Variants in SCAPER observed in about 807,000 individuals in gnomAD.
SCAPER encodes S phase cyclin A-associated protein in the endoplasmic reticulum.
A neutral mutation model predicts 182.2 loss-of-function variants in SCAPER; 98 were observed. That is an observed-to-expected ratio of 0.54 (90% CI 0.46 to 0.64). SCAPER has a LOEUF of 0.64. Among genes scored for constraint, SCAPER ranks in the 30% least tolerant of loss-of-function variants. SCAPER has a pLI of 0.00. For missense variants in SCAPER, 1,432 were observed against 1,690.0 expected (o/e 0.85, Z 2.68); for synonymous variants, 605 against 564.6 (o/e 1.07, Z -1.01).
intron 27 of SCAPER, among the ~76,000 whole-genome samples, chr15:76,388,739 T>C (rs983791219): frequency 1.3e-5 from 2 of 152,078 alleles, no homozygotes; most frequent in African/African-American, 2.4e-5. Flanking sequence ...GGTGGGCGGA[T>C]CATGAGGTCA....
chr15:76,881,544 T>C (rs556158054), intron 2 of SCAPER, among the ~76,000 whole-genome samples: 2 of 152,332 alleles, frequency 1.3e-5, no homozygotes, highest in African/African-American at 2.4e-5. Flanking sequence ...AGAATATTAT[T>C]CAGTCTTAAA....
At chr15:76,602,275 ACTT>A (rs1206756586) in intron 22 of SCAPER, among the ~76,000 whole-genome samples, 1 of 122,052 alleles carries the variant, frequency 8.2e-6, no homozygotes, top group African/African-American at 2.5e-5. Context: ...TCTCTGAAGA[ACTT>A]CTTTTAACAT....
chr15:76,551,581 T>C (rs940504011), intron 23 of SCAPER, among the ~76,000 whole-genome samples: 1 of 152,082 alleles, frequency 6.6e-6, no homozygotes, highest in African/African-American at 2.4e-5. Context: ...GAGAAGAGAT[T>C]GGTCAATGGT....
intron 22 of SCAPER, among the ~76,000 whole-genome samples, chr15:76,596,326 CAAA>C (rs34691848): frequency 4.0e-5 from 3 of 75,360 alleles, no homozygotes; most frequent in Non-Finnish European, 6.6e-5. Flanking sequence ...GCCTACCAAC[CAAA>C]AAAAAAAAAA....
intron 23 of SCAPER, among the ~76,000 whole-genome samples, chr15:76,506,713 A>C (rs1426272529): frequency 6.6e-6 from 1 of 152,168 alleles, no homozygotes; most frequent in Non-Finnish European, 1.5e-5. Context: ...TTACCACCTA[A>C]CAATATAGAC....
rs915740961 is a variant in SCAPER at position 76,504,233 on chromosome 15, G to A, written c.2954+626C>T. ...CCTCTTATTTAAACTCTGTAAATAA[G>A]AGTCTCCACAAAATACCCAGAAACT... On this transcript the variant is annotated intron_variant, in intron 24 of 31. Transcript: ENST00000563290. Among the ~76,000 whole-genome samples, 6 of 152,022 alleles carry A rather than the reference G, an allele frequency of 3.9e-5. No homozygotes were observed. In the South Asian group the frequency reaches 6.2e-4, roughly 16 times the overall value.
At chr15:76,480,249 A>T (rs2050999932) in intron 24 of SCAPER, among the ~76,000 whole-genome samples, 1 of 152,242 alleles carries the variant, frequency 6.6e-6, no homozygotes, top group Non-Finnish European at 1.5e-5. Context: ...GATTTAATAA[A>T]TAGCATACAG....
intron 2 of SCAPER, among the ~76,000 whole-genome samples, chr15:76,882,695 C>T (rs1252178764): frequency 2.0e-5 from 3 of 152,086 alleles, no homozygotes; most frequent in African/African-American, 7.2e-5. Context: ...GACGGAGTCT[C>T]GCTCTATAGC....
At chr15:76,652,383 T>C (rs1477795263) in intron 21 of SCAPER, among the ~76,000 whole-genome samples, 5 of 58,212 alleles carry the variant, frequency 8.6e-5, no homozygotes, top group African/African-American at 1.5e-4. Context: ...TATATATATA[T>C]ATATATATAT....
intron 25 of SCAPER, among the ~76,000 whole-genome samples, chr15:76,461,649 T>C (rs1471455348): frequency 6.6e-6 from 1 of 152,222 alleles, no homozygotes; most frequent in Non-Finnish European, 1.5e-5. Context: ...TTTTTCTTTC[T>C]GTCATTGAGC....
chr15:76,403,456 G>A lies in SCAPER; in HGVS notation c.3467+1068C>T, dbSNP rs145186853. 9.0e-3 allele frequency among the ~76,000 whole-genome samples: 1,371 copies of A among 152,198 alleles called. 9 individuals are homozygous for A. Among genetic ancestry groups the A allele is most frequent in the Non-Finnish European group, 0.016 (1,061 of 68,002 alleles). On this transcript the variant is annotated intron_variant, in intron 27 of 31. Transcript: ENST00000563290. ...GAACGTGACTGGTGGTGAGGGACTG[G>A]GTAAGAGTAAGGAAGGATAGGTGGG...
chr15:76,730,490 G>C (rs537374950), intron 16 of SCAPER, among the ~76,000 whole-genome samples: 2 of 151,908 alleles, frequency 1.3e-5, no homozygotes, highest in East Asian at 3.9e-4. Flanking sequence ...AGAATAATAT[G>C]TGGAAACTTG....
chr15:76,468,941 G>T (rs2049910167), intron 25 of SCAPER, among the ~76,000 whole-genome samples: 1 of 152,084 alleles, frequency 6.6e-6, no homozygotes, highest in African/African-American at 2.4e-5. Context: ...TTGAAACCTG[G>T]AAGAGGGCCC....
At chr15:76,406,680 CT>C (rs1048319203) in intron 26 of SCAPER, among the ~76,000 whole-genome samples, 8 of 151,972 alleles carry the variant, frequency 5.3e-5, no homozygotes, top group African/African-American at 1.7e-4. Context: ...AGTGTTTTAT[CT>C]TAATCATCCC....
At chr15:76,835,233 A>G (rs1358325799) in intron 5 of SCAPER, among the ~76,000 whole-genome samples, 1 of 152,100 alleles carries the variant, frequency 6.6e-6, no homozygotes, top group Non-Finnish European at 1.5e-5. Context: ...TAAACCAGAA[A>G]AGCTCAGGCC....
At chr15:76,729,108 G>A (rs59897136) in intron 16 of SCAPER, among the ~76,000 whole-genome samples, 13,229 of 151,976 alleles carry the variant, frequency 0.087, 689 homozygotes, top group African/African-American at 0.13. Flanking sequence ...CAGCCGTGCT[G>A]GATGCTTCCT....
chr15:76,591,764 G>A (rs1400772350), intron 22 of SCAPER, among the ~76,000 whole-genome samples: 1 of 152,176 alleles, frequency 6.6e-6, no homozygotes, highest in Non-Finnish European at 1.5e-5. Flanking sequence ...TACAAAGAAA[G>A]ATTAAAAATA....
chr15:76,495,222 A>T (rs974630012), intron 24 of SCAPER, among the ~76,000 whole-genome samples: 4 of 152,124 alleles, frequency 2.6e-5, no homozygotes, highest in African/African-American at 9.7e-5. Flanking sequence ...TGACACTGGT[A>T]AAACAACAAC....
At chr15:76,500,057 T>C (rs1360824859) in intron 24 of SCAPER, among the ~76,000 whole-genome samples, 1 of 152,234 alleles carries the variant, frequency 6.6e-6, no homozygotes, top group Non-Finnish European at 1.5e-5. Context: ...AACAGTTCTA[T>C]AAGGTAGGTA....
Sources: gnomAD v4.1 joint callset for allele counts (sites outside exome capture counted in the v4.1 genomes callset) on GRCh38, gnomAD v4.1.1 for gene constraint, MANE v1.5 for transcripts, NCBI Gene and HGNC (gene_info 2026-07-23, HGNC 2026-07-21) for gene names.